PTPRN2: variants seen among roughly 807,000 people sequenced by gnomAD.
The protein encoded by PTPRN2 is protein tyrosine phosphatase receptor type N2, also known as receptor-type tyrosine-protein phosphatase N2.
PTPRN2 carries 74 observed loss-of-function variants against 118.8 expected under a neutral mutation model. The observed-to-expected ratio is 0.62, with a 90% confidence interval of 0.52 to 0.76. The LOEUF is 0.76. Ranked by LOEUF, PTPRN2 falls within the 30% of genes least tolerant of loss-of-function variation. The pLI is 0.00. For missense variants in PTPRN2, 1,481 were observed against 1,394.4 expected, an observed-to-expected ratio of 1.06 and a Z score of -0.99; for synonymous variants, 641 against 608.0, an observed-to-expected ratio of 1.05 and a Z score of -0.80.
At chr7:157,876,573 C>A (rs1795780401) in intron 12 of PTPRN2, among the ~76,000 whole-genome samples, 1 of 152,212 alleles carries the variant, frequency 6.6e-6, no homozygotes, top group Non-Finnish European at 1.5e-5. Context: ...CAGGAAGATG[C>A]ACAGACGGCC....
chr7:157,873,069 G>T (rs1003592795), intron 12 of PTPRN2, among the ~76,000 whole-genome samples: 3 of 152,230 alleles, frequency 2.0e-5, no homozygotes, highest in Non-Finnish European at 2.9e-5. Flanking sequence ...CCCTGGCCGT[G>T]TATGTCCCTC....
intron 11 of PTPRN2, among the ~76,000 whole-genome samples, chr7:158,056,468 G>A (rs966395393): frequency 6.6e-6 from 1 of 152,246 alleles, no homozygotes; most frequent in African/African-American, 2.4e-5. Flanking sequence ...AATCACTTTT[G>A]TGTGCATTTT....
At chr7:158,207,742 G>C (rs1306383362) in intron 3 of PTPRN2, among the ~76,000 whole-genome samples, 1 of 152,100 alleles carries the variant, frequency 6.6e-6, no homozygotes, top group African/African-American at 2.4e-5. Context: ...AAACATCCAA[G>C]AGCATCAAGA....
At chr7:157,683,320 G>C (rs529203148) in intron 12 of PTPRN2, among the ~76,000 whole-genome samples, 1 of 152,210 alleles carries the variant, frequency 6.6e-6, no homozygotes, top group Non-Finnish European at 1.5e-5. Context: ...GGGGGTGCTG[G>C]GGGGAGGCCA....
At chr7:158,492,448 CAGTT>C (rs1821529516) in intron 1 of PTPRN2, among the ~76,000 whole-genome samples, 2 of 152,198 alleles carry the variant, frequency 1.3e-5, no homozygotes, top group Admixed American at 1.3e-4. Flanking sequence ...TCGTGGCTGA[CAGTT>C]AGATGTGATC....
chr7:158,271,433 A>AC (rs1798510033), intron 3 of PTPRN2, among the ~76,000 whole-genome samples: 1 of 152,220 alleles, frequency 6.6e-6, no homozygotes, highest in African/African-American at 2.4e-5. Context: ...GCCACAATCA[A>AC]CGCTAAGCAA....
chr7:157,787,060 CGGACGCGGGTGCGGCGGG>C lies in PTPRN2; in HGVS notation c.1789-104141_1789-104124del, dbSNP rs1394581900. 1.5e-5 allele frequency among the ~76,000 whole-genome samples: 2 copies of C among 134,220 alleles called. No homozygotes were observed. The highest frequency in any genetic ancestry group is 1.6e-5 in the Non-Finnish European group (1 of 62,968). The allele number at this position is 134,220 out of a possible 152,430, so 88.1% of individuals were successfully genotyped here. A position where few individuals can be genotyped will look rare whatever the true frequency, so the allele number is the denominator to read the frequency against. ...GACGCGGGGGTGGCTGCCCGGGAGG[CGGACGCGGGTGCGGCGGG>C]GGACGCGGGGGTGGCTGCCCGGGAG... On this transcript the variant is annotated intron_variant, in intron 12 of 22. Transcript: ENST00000389418. This position sits in a 1 kb window ranked among gnomAD's most constrained non-coding sequence, Gnocchi z 5.3.
Position 157,903,194 on chromosome 7 carries a change from TGGAAGTGGG to T in PTPRN2, c.1724-4466_1724-4458del, listed in dbSNP as rs1797569351. On this transcript the variant is annotated intron_variant, in intron 11 of 22. Coordinates refer to ENST00000389418, the MANE Select transcript of PTPRN2 (RefSeq NM_002847.5). The surrounding 1 kb of genome is among the most constrained non-coding windows in gnomAD (Gnocchi z 4.2). ...CATCAGAGAACCACATGCGCTCACA[TGGAAGTGGG>T]GACCAGACATCGGGTACTTACAGCC... Among the ~76,000 whole-genome samples, 1 of 151,808 alleles carries T rather than the reference TGGAAGTGGG, an allele frequency of 6.6e-6. No homozygotes were observed. Among genetic ancestry groups the T allele is most frequent in the Non-Finnish European group, 1.5e-5 (1 of 67,956 alleles).
In PTPRN2 at chr7:158,517,047, C is replaced by G. The variant is rs572392918; in HGVS notation, c.113-27262G>C. On this transcript the variant is annotated intron_variant, in intron 1 of 22. Coordinates refer to ENST00000389418, the MANE Select transcript of PTPRN2 (RefSeq NM_002847.5). This position sits in a 1 kb window ranked among gnomAD's most constrained non-coding sequence, Gnocchi z 5.3. ...TTCCAAACCACTAGACCTGGGGCACCTTGGGCCCCAGCATGGTGCCTCACT... is the reference window on the plus strand; with the variant it reads ...TTCCAAACCACTAGACCTGGGGCACGTTGGGCCCCAGCATGGTGCCTCACT... Among the ~76,000 whole-genome samples the G allele has an allele frequency of 6.6e-6, 1 of 152,204 alleles. No homozygotes were observed. Among genetic ancestry groups the G allele is most frequent in the Non-Finnish European group, 1.5e-5 (1 of 68,046 alleles).
Position 157,629,401 on chromosome 7 carries a change from T to C in PTPRN2, c.2197-7892A>G, listed in dbSNP as rs938640446. Among the ~76,000 whole-genome samples the C allele has an allele frequency of 1.3e-5, 2 of 152,184 alleles. No individual in the cohort carries two copies. Among genetic ancestry groups the C allele is most frequent in the Non-Finnish European group, 2.9e-5 (2 of 68,046 alleles). On this transcript the variant is annotated intron_variant, in intron 14 of 22. Transcript: ENST00000389418. This position sits in a 1 kb window ranked among gnomAD's most constrained non-coding sequence, Gnocchi z 4.4. ...TACTGAGAGGTGCAAGATGATTTAT[T>C]ATTATTATTAAAAATAATAATGAGA...
intron 3 of PTPRN2, among the ~76,000 whole-genome samples, chr7:158,255,596 AGGGGTGTTG>A (rs1796970827): frequency 3.9e-5 from 1 of 25,816 alleles, no homozygotes; most frequent in Non-Finnish European, 1.1e-4. Context: ...TTGTGGAGTG[AGGGGTGTTG>A]AGCCCTCTGT....
intron 14 of PTPRN2, among the ~76,000 whole-genome samples, chr7:157,642,223 G>T (rs960087659): frequency 2.6e-5 from 4 of 152,214 alleles, no homozygotes; most frequent in African/African-American, 9.6e-5. Flanking sequence ...GAGCCAGACT[G>T]CTGGCCTCCT....
At chr7:157,870,824 C>T (rs887717330) in intron 12 of PTPRN2, among the ~76,000 whole-genome samples, 32 of 152,272 alleles carry the variant, frequency 2.1e-4, no homozygotes, top group Non-Finnish European at 1.6e-4. Context: ...GCACCCCCAC[C>T]TTGATCCCCC....
chr7:157,827,725 G>T (rs778254854), intron 12 of PTPRN2, among the ~76,000 whole-genome samples: 1 of 152,176 alleles, frequency 6.6e-6, no homozygotes, highest in South Asian at 2.1e-4. Flanking sequence ...GGAGGAGGGC[G>T]GTTGGTGGTG....
intron 11 of PTPRN2, among the ~76,000 whole-genome samples, chr7:157,998,485 G>C (rs1013512104): frequency 7.9e-5 from 12 of 152,192 alleles, no homozygotes; most frequent in Non-Finnish European, 5.9e-5. Flanking sequence ...CGTAGATGCT[G>C]TGTTGGACAG....
intron 11 of PTPRN2, among the ~76,000 whole-genome samples, chr7:158,071,414 C>CGTGGTGGTGGAGGTG (rs1811580340): frequency 5.1e-5 from 2 of 39,260 alleles, no homozygotes; most frequent in African/African-American, 1.1e-4. Context: ...TGGAGTTGCT[C>CGTGGTGGTGGAGGTG]CTGGTGGTGG....
intron 11 of PTPRN2, among the ~76,000 whole-genome samples, chr7:158,040,413 CACAA>C (rs138982944): frequency 0.084 from 12,592 of 150,470 alleles, 681 homozygotes; most frequent in South Asian, 0.19. Context: ...CACACACACA[CACAA>C]ACACACTGCA....
chr7:157,656,876 CACAT>C (rs1228649357), intron 13 of PTPRN2, among the ~76,000 whole-genome samples: 1 of 147,368 alleles, frequency 6.8e-6, no homozygotes, highest in Non-Finnish European at 1.5e-5. Context: ...CATATATACA[CACAT>C]ACACCACACA....
rs193295699 is a variant in PTPRN2, at chr7:157,796,338, C to T, written c.1788+102335G>A. Among the ~76,000 whole-genome samples, 17 of 152,298 alleles carry T rather than the reference C, an allele frequency of 1.1e-4. No homozygotes were observed. The East Asian group carries it at 2.5e-3, about 23-fold the overall frequency. On this transcript the variant is annotated intron_variant, in intron 12 of 22. Coordinates refer to ENST00000389418, the MANE Select transcript of PTPRN2 (RefSeq NM_002847.5). ...TTCATTCCCGAATCTCACATTTTACCGGGATGGTGACATCCCTGTGGGGCC... is the reference window on the plus strand; with the variant it reads ...TTCATTCCCGAATCTCACATTTTACTGGGATGGTGACATCCCTGTGGGGCC...
Sources: gnomAD v4.1 joint callset for allele counts (sites outside exome capture counted in the v4.1 genomes callset) on GRCh38, gnomAD v4.1.1 for gene constraint, Gnocchi (gnomAD v3.1) non-coding constraint, MANE v1.5 for transcripts, NCBI Gene and HGNC (gene_info 2026-07-23, HGNC 2026-07-21) for gene names.